SLC5A4: variants seen among roughly 807,000 people sequenced by gnomAD.
The protein encoded by SLC5A4 is solute carrier family 5 member 4.
SLC5A4 carries 55 observed loss-of-function variants against 70.3 expected under a neutral mutation model. That is an observed-to-expected ratio of 0.78 (90% CI 0.63 to 0.98). The LOEUF (loss-of-function observed/expected upper bound fraction) is 0.98, where lower values mean the gene tolerates loss of function less well. Among genes scored for constraint, SLC5A4 ranks in the 50% least tolerant of loss-of-function variants. SLC5A4 has a pLI of 0.00. For synonymous variants in SLC5A4, 268 were observed against 305.7 expected (o/e 0.88, Z 1.29); for missense variants, 735 against 839.2 (o/e 0.88, Z 1.53).
the SLC5A4 span, among the ~76,000 whole-genome samples, chr22:32,350,383 G>A: frequency 6.6e-6 from 1 of 152,172 alleles, no homozygotes; most frequent in Non-Finnish European, 1.5e-5. Flanking sequence ...AGTCACTGAT[G>A]CACTTGGTAT....
chr22:32,335,293 C>G, the SLC5A4 span, among the ~76,000 whole-genome samples: 1 of 152,186 alleles, frequency 6.6e-6, no homozygotes, highest in Non-Finnish European at 1.5e-5. Flanking sequence ...TGGGATACAA[C>G]GAGCCCAGAG....
chr22:32,297,900 T>A, the SLC5A4 span, among the ~76,000 whole-genome samples: 9 of 101,720 alleles, frequency 8.8e-5, no homozygotes, highest in Non-Finnish European at 1.9e-4. Flanking sequence ...TCTGCCTTCA[T>A]TTCGTTATGT....
chr22:32,285,705 TTTTTTATTTTTATTTTATTTTATTTTTTA>T, the SLC5A4 span, among the ~76,000 whole-genome samples: 2 of 116,346 alleles, frequency 1.7e-5, no homozygotes, highest in Non-Finnish European at 3.6e-5. Flanking sequence ...CTTATTTTCT[TTTTTTATTTTTATTTTATTTTATTTTTTA>T]TTTTTATTTT....
At chr22:32,346,557 G>A in the SLC5A4 span, among the ~76,000 whole-genome samples, 78,769 of 138,502 alleles carry the variant, frequency 0.57, 24,494 homozygotes, top group African/African-American at 0.84. Flanking sequence ...CCACATATCT[G>A]CAACTATCTG....
the SLC5A4 span, among the ~76,000 whole-genome samples, chr22:32,337,175 GCCTCTT>G: frequency 6.6e-6 from 1 of 152,212 alleles, no homozygotes; most frequent in Admixed American, 6.5e-5. Flanking sequence ...GGACCACCTT[GCCTCTT>G]GTCCTGGCTA....
At chr22:32,251,072 A>G (rs1197014730) in intron 3 of SLC5A4, among the ~76,000 whole-genome samples, 1 of 144,150 alleles carries the variant, frequency 6.9e-6, no homozygotes, top group African/African-American at 2.5e-5. Context: ...ATGTATACCT[A>G]TGTAACAAAC....
the SLC5A4 span, among the ~76,000 whole-genome samples, chr22:32,336,307 G>A: frequency 3.3e-5 from 5 of 152,336 alleles, no homozygotes; most frequent in African/African-American, 4.8e-5. Context: ...AGCTGGAGGC[G>A]TATTCACGAG....
the SLC5A4 span, among the ~76,000 whole-genome samples, chr22:32,292,609 T>C: frequency 1.1e-4 from 16 of 151,728 alleles, no homozygotes; most frequent in African/African-American, 3.9e-4. Context: ...AATTCCTATA[T>C]ATATATATTT....
chr22:32,232,523 A>C (rs777879930), intron 9 of SLC5A4, among the ~76,000 whole-genome samples: 2 of 152,132 alleles, frequency 1.3e-5, no homozygotes, highest in Non-Finnish European at 2.9e-5. Flanking sequence ...AGGGACCAAG[A>C]CCTTCTCAGT....
At chr22:32,253,378 A>G (rs1319995291) in intron 2 of SLC5A4, among the ~76,000 whole-genome samples, 2 of 152,130 alleles carry the variant, frequency 1.3e-5, no homozygotes, top group Non-Finnish European at 2.9e-5. Context: ...AGGGAACACA[A>G]CCAATAACTG....
At chr22:32,235,966 T>C (rs767726481) in intron 7 of SLC5A4, among the ~76,000 whole-genome samples, 16 of 152,138 alleles carry the variant, frequency 1.1e-4, no homozygotes, top group Non-Finnish European at 2.1e-4. Context: ...ATTAGATAAA[T>C]ATGGTTTGCA....
the SLC5A4 span, among the ~76,000 whole-genome samples, chr22:32,306,418 A>G: frequency 1.3e-5 from 2 of 149,008 alleles, no homozygotes; most frequent in African/African-American, 4.9e-5. Flanking sequence ...GTGACCCGAG[A>G]TTGCACCACT....
chr22:32,338,633 C>T, the SLC5A4 span, among the ~76,000 whole-genome samples: 7 of 152,336 alleles, frequency 4.6e-5, no homozygotes, highest in Admixed American at 3.3e-4. Flanking sequence ...CACACCACTG[C>T]ACTCCAGCCT....
At chr22:32,269,417 C>G in the SLC5A4 span, 1 of 479,598 alleles carries the variant, frequency 2.1e-6, no homozygotes, top group African/African-American at 1.9e-5. This position sits in a 1 kb window ranked among gnomAD's most constrained non-coding sequence, Gnocchi z 4.1. Flanking sequence ...GGATGAGAAG[C>G]TGCTCATCAT....
At chr22:32,225,590 C>T in intron 12 of SLC5A4, 65 bp downstream of exon 12, 2 of 990,622 alleles carry the variant, frequency 2.0e-6, no homozygotes, top group East Asian at 2.4e-5. Context: ...ATTTTGATAC[C>T]CCAGTGAAAT....
the SLC5A4 span, among the ~76,000 whole-genome samples, chr22:32,275,387 GCCCCAGT>G: frequency 6.6e-6 from 1 of 152,040 alleles, no homozygotes; most frequent in African/African-American, 2.4e-5. Context: ...CCCATGACAG[GCCCCAGT>G]GTGTGATGTT....
the SLC5A4 span, among the ~76,000 whole-genome samples, chr22:32,312,328 CAACCA>C: frequency 4.6e-5 from 7 of 151,022 alleles, no homozygotes; most frequent in South Asian, 1.5e-3. Context: ...AAAAACCAAC[CAACCA>C]AACAAGAACA....
intron 14 of SLC5A4, among the ~76,000 whole-genome samples, chr22:32,219,394 T>C (rs1477833227): frequency 2.6e-5 from 4 of 152,086 alleles, no homozygotes; most frequent in Non-Finnish European, 5.9e-5. Context: ...GTTGCAGCAC[T>C]GGAAAATTTA....
chr22:32,239,615 TAATATATAA>T (rs1926386417), intron 5 of SLC5A4, among the ~76,000 whole-genome samples: 1 of 121,746 alleles, frequency 8.2e-6, no homozygotes, highest in South Asian at 2.6e-4. Context: ...AATATATGTA[TAATATATAA>T]AATATATATA....
Sources: allele counts gnomAD v4.1 joint callset (sites outside exome capture counted in the v4.1 genomes callset), GRCh38; gene constraint gnomAD v4.1.1; non-coding constraint Gnocchi (gnomAD v3.1); transcripts MANE v1.5; gene names NCBI Gene and HGNC (gene_info 2026-07-23, HGNC 2026-07-21).